The following CSMD1 variants were observed in gnomAD, a reference collection of about 807,000 sequenced individuals.
CSMD1 encodes CUB and Sushi multiple domains 1, also known as CUB and sushi domain-containing protein 1.
CSMD1 carries 213 observed loss-of-function variants against 417.5 expected under a neutral mutation model. The ratio of observed to expected loss-of-function variants is 0.51; its 90% CI spans 0.46 to 0.57. The LOEUF (loss-of-function observed/expected upper bound fraction) is 0.57, where lower values mean the gene tolerates loss of function less well. Ranked by LOEUF, CSMD1 falls within the 20% of genes least tolerant of loss-of-function variation. The pLI is 0.00. For synonymous variants in CSMD1, 2,862 were observed against 1,736.8 expected (o/e 1.65, Z -16.11); for missense variants, 6,923 against 4,529.7 (o/e 1.53, Z -15.17).
chr8:4,616,862 T>C (rs889690240), intron 2 of CSMD1, among the ~76,000 whole-genome samples: 1 of 152,216 alleles, frequency 6.6e-6, no homozygotes, highest in Non-Finnish European at 1.5e-5. Flanking sequence ...TTTTGCTGTT[T>C]AATTTTTAAA....
At chr8:3,387,412 T>A (rs180903193) in intron 18 of CSMD1, 82 bp downstream of exon 18, 5 of 1,220,704 alleles carry the variant, frequency 4.1e-6, no homozygotes, top group African/African-American at 3.0e-5. Context: ...CCCCCTGAAA[T>A]ACACACACCA....
chr8:3,583,619 G>C (rs1800474512), intron 9 of CSMD1, among the ~76,000 whole-genome samples: 2 of 151,990 alleles, frequency 1.3e-5, no homozygotes, highest in Non-Finnish European at 2.9e-5. Flanking sequence ...TGATAGGAAA[G>C]ACATAAACTG....
At chr8:3,378,443 A>C (rs575998458) in intron 18 of CSMD1, among the ~76,000 whole-genome samples, 2 of 152,152 alleles carry the variant, frequency 1.3e-5, no homozygotes, top group South Asian at 4.1e-4. Flanking sequence ...AAGGCACAGC[A>C]AAAAAAGAAA....
rs181819134 is a variant in CSMD1, at chr8:3,646,426, A to T, written c.1010-29629T>A. Among the ~76,000 whole-genome samples, 188 of 152,300 alleles carry T rather than the reference A, an allele frequency of 1.2e-3. 1 individual carries two copies. Among genetic ancestry groups the T allele is most frequent in the African/African-American group, 4.4e-3 (181 of 41,554 alleles). Reference sequence around the variant, plus strand: ...TACCATACAATCTACTTTAACTCAAAATTAAGAACCTTGTTTGTAAATAAG... The same window carrying T: ...TACCATACAATCTACTTTAACTCAATATTAAGAACCTTGTTTGTAAATAAG... On this transcript the variant is annotated intron_variant, in intron 7 of 69. Transcript: ENST00000635120.
chr8:3,711,342 TC>T (rs1801498522), intron 6 of CSMD1, among the ~76,000 whole-genome samples: 1 of 151,928 alleles, frequency 6.6e-6, no homozygotes, highest in Admixed American at 6.6e-5. Context: ...GCCACCCAGA[TC>T]CCCCTCCAAG....
intron 1 of CSMD1, among the ~76,000 whole-genome samples, chr8:4,718,102 T>C (rs1011379424): frequency 2.0e-5 from 3 of 152,094 alleles, no homozygotes; most frequent in African/African-American, 7.2e-5. Flanking sequence ...TTCCTCAAAG[T>C]ACCTGGTATG....
At chr8:3,352,771 T>C (rs1462361476) in intron 21 of CSMD1, among the ~76,000 whole-genome samples, 1 of 151,952 alleles carries the variant, frequency 6.6e-6, no homozygotes, top group Non-Finnish European at 1.5e-5. Context: ...ACCCAGGAGG[T>C]GGAGGTTGCA....
chr8:3,402,710 T>C (rs945454559), intron 15 of CSMD1, among the ~76,000 whole-genome samples: 9 of 152,210 alleles, frequency 5.9e-5, no homozygotes, highest in Non-Finnish European at 1.2e-4. Flanking sequence ...CATTTTTCTT[T>C]CCTAGTTCTT....
chr8:4,529,580 A>G (rs1320601823), intron 2 of CSMD1, among the ~76,000 whole-genome samples: 3 of 152,230 alleles, frequency 2.0e-5, no homozygotes, highest in Non-Finnish European at 4.4e-5. Flanking sequence ...CATAAGCAAA[A>G]GCTCCTTGGG....
At chr8:4,816,498 G>T (rs1202349894) in intron 1 of CSMD1, among the ~76,000 whole-genome samples, 3 of 152,090 alleles carry the variant, frequency 2.0e-5, no homozygotes, top group African/African-American at 7.2e-5. Context: ...AAAATGTTGG[G>T]ATTACAGGTG....
At chr8:3,387,991 A>C (rs147113369) in intron 17 of CSMD1, among the ~76,000 whole-genome samples, 180 of 152,314 alleles carry the variant, frequency 1.2e-3, no homozygotes, top group African/African-American at 3.7e-3. Flanking sequence ...GCACTAAATA[A>C]AGTCTAAGAC....
chr8:3,746,430 G>C (rs1265515393), intron 6 of CSMD1, among the ~76,000 whole-genome samples: 2 of 152,174 alleles, frequency 1.3e-5, no homozygotes, highest in African/African-American at 2.4e-5. Flanking sequence ...AAAGTTTAGA[G>C]AAAGGAAGGA....
At chr8:3,878,515 T>C (rs1805984137) in intron 5 of CSMD1, among the ~76,000 whole-genome samples, 1 of 152,122 alleles carries the variant, frequency 6.6e-6, no homozygotes, top group South Asian at 2.1e-4. Context: ...TTAATATTTT[T>C]ATTTATTTAA....
intron 15 of CSMD1, among the ~76,000 whole-genome samples, chr8:3,401,754 G>C (rs1406830738): frequency 6.6e-6 from 1 of 152,120 alleles, no homozygotes; most frequent in Non-Finnish European, 1.5e-5. Context: ...GTTGAGTACA[G>C]CATTTCCTCA....
intron 41 of CSMD1, among the ~76,000 whole-genome samples, chr8:3,132,919 A>G (rs17079491): frequency 0.067 from 10,132 of 152,250 alleles, 930 homozygotes; most frequent in African/African-American, 0.2. Context: ...TCCAGGAAAT[A>G]TCTAAGTGGG....
intron 4 of CSMD1, among the ~76,000 whole-genome samples, chr8:4,013,095 C>T (rs537654456): frequency 6.6e-6 from 1 of 152,142 alleles, no homozygotes; most frequent in African/African-American, 2.4e-5. Context: ...CTCTCAAATG[C>T]TGTGTCACAC....
At chr8:4,149,445 G>A (rs1037497251) in intron 3 of CSMD1, among the ~76,000 whole-genome samples, 4 of 152,044 alleles carry the variant, frequency 2.6e-5, no homozygotes, top group African/African-American at 9.7e-5. Flanking sequence ...CTACATAAGG[G>A]CCAATAAAAG....
intron 3 of CSMD1, among the ~76,000 whole-genome samples, chr8:4,235,378 TG>T (rs1240307677): frequency 1.6e-4 from 25 of 152,140 alleles, no homozygotes; most frequent in African/African-American, 5.6e-4. Context: ...TTTGTTTGTT[TG>T]TTTTTTGTTT....
At chr8:3,199,674 G>C in intron 33 of CSMD1, 40 bp downstream of exon 33, 1 of 1,374,966 alleles carries the variant, frequency 7.3e-7, no homozygotes. Flanking sequence ...CATCAGGAAA[G>C]ACCACAGTGA....
Sources: gnomAD v4.1 joint callset for allele counts (sites outside exome capture counted in the v4.1 genomes callset) on GRCh38, gnomAD v4.1.1 for gene constraint, MANE v1.5 for transcripts, NCBI Gene and HGNC (gene_info 2026-07-23, HGNC 2026-07-21) for gene names.